Variants in OPA3 observed in about 807,000 individuals in gnomAD.
OPA3 encodes the protein outer mitochondrial membrane lipid metabolism regulator OPA3.
In OPA3, 6 loss-of-function variants were observed where a neutral mutation model predicts 4.0. That is an observed-to-expected ratio of 1.51 (90% CI 0.83 to 2.99). The LOEUF (loss-of-function observed/expected upper bound fraction) is 2.99, where lower values mean the gene tolerates loss of function less well. OPA3 is among the 30% of genes most tolerant of loss of function. The probability of loss-of-function intolerance (pLI) is 0.00; values close to 1 mark genes in which losing one functional copy is unlikely to be tolerated. For synonymous variants in OPA3, 105 were observed against 117.1 expected, an observed-to-expected ratio of 0.90 and a Z score of 0.67; for missense variants, 235 against 256.2, an observed-to-expected ratio of 0.92 and a Z score of 0.56.
chr19:45,554,875 C>T (rs1969397355), intron 1 of OPA3, among the ~76,000 whole-genome samples: 1 of 152,218 alleles, frequency 6.6e-6, no homozygotes, highest in South Asian at 2.1e-4. Context: ...ACTGCAACCT[C>T]CTCCTCCCAG....
At chr19:45,568,571 C>T (rs1268222997) in intron 1 of OPA3, among the ~76,000 whole-genome samples, 1 of 152,166 alleles carries the variant, frequency 6.6e-6, no homozygotes, top group Non-Finnish European at 1.5e-5. Context: ...GCAGTGCTTC[C>T]TCCCACAGAC....
rs1969278809 is a variant in OPA3 at position 45,548,166 on chromosome 19, C to A, written c.*5348G>T. ...CTCTCTCTGTCCACACCGACTCCAG[C>A]TACAAGCCATTGCCACTGGGGGACC... On this transcript the variant is annotated 3_prime_UTR_variant, in exon 2 of 2. Transcript: ENST00000263275. 1.0e-6 allele frequency: 1 copy of A among 986,114 alleles called. No homozygotes were observed. The highest frequency in any genetic ancestry group is 1.1e-4 in the East Asian group (1 of 8,834). 61.1% of individuals were successfully genotyped at this position (986,114 alleles called of 1,614,324 possible).
chr19:45,571,213 G>A (rs779161667), intron 1 of OPA3, among the ~76,000 whole-genome samples: 11 of 151,910 alleles, frequency 7.2e-5, no homozygotes, highest in Non-Finnish European at 1.5e-4. Context: ...GTGCGATCTT[G>A]GCACACCGCA....
intron 1 of OPA3, among the ~76,000 whole-genome samples, chr19:45,536,451 G>A (rs151038425): frequency 0.01 from 1,577 of 151,898 alleles, 20 homozygotes; most frequent in African/African-American, 0.036. Context: ...GGGAGGCTGA[G>A]GCAGGATAAT....
At chr19:45,579,739 C>A (rs571559281) in intron 1 of OPA3, among the ~76,000 whole-genome samples, 81 of 151,868 alleles carry the variant, frequency 5.3e-4, no homozygotes, top group African/African-American at 1.9e-3. Context: ...AGTATATACA[C>A]AAAATAATAA....
exon 2 of OPA3, chr19:45,528,521 CGG>C (rs1419691253): frequency 6.4e-6 from 1 of 155,364 alleles, no homozygotes; most frequent in Non-Finnish European, 1.4e-5. Context: ...TGGAAGGGGG[CGG>C]GTCGGGAAGT....
At chr19:45,543,455 A>T (rs1969210756), downstream of OPA3, among the ~76,000 whole-genome samples, 1 of 151,240 alleles carries the variant, frequency 6.6e-6, no homozygotes, top group African/African-American at 2.4e-5. Context: ...GGAGTACCTG[A>T]GATTACAGGC....
rs1969663999 is a variant in OPA3 at position 45,571,339 on chromosome 19, G to C, written c.142+13284C>G. On this transcript the variant is annotated intron_variant, in intron 1 of 1. Coordinates refer to ENST00000263275, the MANE Select transcript of OPA3 (RefSeq NM_025136.4). ...TTTGTATTTTTTTAGTAGAGACGGGGTTTCTCCATGTTGTTCAGGTTGGTC... is the reference window on the plus strand; with the variant it reads ...TTTGTATTTTTTTAGTAGAGACGGGCTTTCTCCATGTTGTTCAGGTTGGTC... 2.0e-5 allele frequency among the ~76,000 whole-genome samples: 3 copies of C among 151,950 alleles called. 1 individual carries two copies. The highest frequency in any genetic ancestry group is 2.0e-4 in the Admixed American group (3 of 15,226).
intron 1 of OPA3, among the ~76,000 whole-genome samples, chr19:45,575,715 T>C (rs1028620625): frequency 2.0e-5 from 3 of 152,188 alleles, no homozygotes; most frequent in African/African-American, 7.2e-5. Context: ...CAAGCAATCC[T>C]GCCGCAGCCT....
At chr19:45,576,396 G>A (rs2878162) in intron 1 of OPA3, among the ~76,000 whole-genome samples, 22,628 of 151,492 alleles carry the variant, frequency 0.15, 1,946 homozygotes, top group South Asian at 0.22. Flanking sequence ...GCCAGGTGTG[G>A]TGGTGGGTGC....
exon 2 of OPA3, chr19:45,528,956 G>A: frequency 7.1e-7 from 1 of 1,410,214 alleles, no homozygotes; most frequent in Non-Finnish European, 9.6e-7. Context: ...GGTGGTGTCA[G>A]CTGGGCCGGT....
chr19:45,531,668 C>T (rs1459121360), intron 1 of OPA3, among the ~76,000 whole-genome samples: 13 of 152,104 alleles, frequency 8.5e-5, no homozygotes, highest in Non-Finnish European at 1.9e-4. Context: ...CTTTTTCCAC[C>T]TTCACATTAG....
At chr19:45,539,454 A>G (rs951383802) in intron 1 of OPA3, among the ~76,000 whole-genome samples, 21 of 152,012 alleles carry the variant, frequency 1.4e-4, no homozygotes, top group African/African-American at 4.6e-4. Flanking sequence ...AAGTTTTAAT[A>G]TTTTTATTTT....
chr19:45,533,256 CGCATCTCTGCTCACT>C (rs924623950), intron 1 of OPA3, among the ~76,000 whole-genome samples: 26 of 149,504 alleles, frequency 1.7e-4, no homozygotes, highest in Non-Finnish European at 3.0e-5. Context: ...AGTGCAGTGG[CGCATCTCTGCTCACT>C]GCAAGCTCCG....
intron 1 of OPA3, among the ~76,000 whole-genome samples, chr19:45,565,716 C>A (rs1337031814): frequency 1.3e-5 from 2 of 152,042 alleles, no homozygotes; most frequent in Non-Finnish European, 2.9e-5. Flanking sequence ...GAACTCCTGA[C>A]CTTAAGTGAT....
In OPA3 at chr19:45,547,452, C is replaced by G. The variant is rs2046788743; in HGVS notation, c.*6062G>C. ...AAGCAAGGGTCCCCTTGATTTGGCCCAAAGGCCTTGGTCAGCGAGCCTCTG... is the reference window on the plus strand; with the variant it reads ...AAGCAAGGGTCCCCTTGATTTGGCCGAAAGGCCTTGGTCAGCGAGCCTCTG... On this transcript the variant is annotated 3_prime_UTR_variant, in exon 2 of 2. Transcript: ENST00000263275. 1 of 152,202 alleles carries G rather than the reference C, an allele frequency of 6.6e-6. No individual in the cohort carries two copies. The highest frequency in any genetic ancestry group is 6.5e-5 in the Admixed American group (1 of 15,276). 9.4% of individuals were successfully genotyped at this position (152,202 alleles called of 1,614,324 possible).
chr19:45,548,928 C>T lies in OPA3; in HGVS notation c.*4586G>A, dbSNP rs886054519. ...AAGAGATTCTCCTGCCTCAGCCTCC[C>T]GAGTAGGTGGGATTACAGGTGCACA... is the stretch of plus-strand genomic sequence containing the variant. On this transcript the variant is annotated 3_prime_UTR_variant, in exon 2 of 2. Transcript: ENST00000263275. 18 of 319,782 alleles carry T rather than the reference C, an allele frequency of 5.6e-5. No individual in the cohort carries two copies. The highest frequency in any genetic ancestry group is 1.4e-3 in the Middle Eastern group (1 of 700). The allele number at this position is 319,782 out of a possible 1,614,324, so 19.8% of individuals were successfully genotyped here.
chr19:45,551,757 G>A lies in OPA3; in HGVS notation c.*1757C>T. On this transcript the variant is annotated 3_prime_UTR_variant, in exon 2 of 2. Transcript: ENST00000263275. ...TGGGGGTGGGACCGGGGGCTATGGA[G>A]GCAGGAGGGTACTGCTACATGAAGA... 1 of 985,614 alleles carries A rather than the reference G, an allele frequency of 1.0e-6. No homozygotes were observed. Among genetic ancestry groups the A allele is most frequent in the Non-Finnish European group, 1.2e-6 (1 of 830,052 alleles). The allele number at this position is 985,614 out of a possible 1,614,324, so 61.1% of individuals were successfully genotyped here.
chr19:45,542,409 T>G (rs573338776), downstream of OPA3, among the ~76,000 whole-genome samples: 1 of 152,286 alleles, frequency 6.6e-6, no homozygotes, highest in African/African-American at 2.4e-5. Flanking sequence ...CGAACCTAGA[T>G]AGTGTGGCCT....
Sources: allele counts gnomAD v4.1 joint callset (sites outside exome capture counted in the v4.1 genomes callset), GRCh38; gene constraint gnomAD v4.1.1; transcripts MANE v1.5; gene names NCBI Gene and HGNC (gene_info 2026-07-23, HGNC 2026-07-21).